Variants in OR52N1 observed in about 807,000 individuals in gnomAD.
OR52N1 encodes olfactory receptor 52N1.
A neutral mutation model predicts 13.9 loss-of-function variants in OR52N1; 11 were observed. That is an observed-to-expected ratio of 0.79 (90% CI 0.50 to 1.31). The LOEUF is 1.31. Ranked by LOEUF, OR52N1 falls within the 40% of genes most tolerant of loss-of-function variation. The pLI is 0.00. For synonymous variants in OR52N1, 142 were observed against 143.7 expected, an observed-to-expected ratio of 0.99 and a Z score of 0.08; for missense variants, 414 against 397.7, an observed-to-expected ratio of 1.04 and a Z score of -0.35.
Position 5,788,436 on chromosome 11 carries a change from G to A in OR52N1, c.381C>T (p.Ala127=), listed in dbSNP as rs762448668. ...LMLMALDHCV[A]ICFPLRYATI... ...TGGCATAACGCAGAGGGAAGCAGAT[G>A]GCCACACAGTGGTCCAGGGCCATGA... Residue 127 remains alanine, a synonymous_variant, in exon 2 of 2, where the codon GCC becomes GCT. Transcript: ENST00000641645. 2.5e-6 allele frequency: 4 copies of A among 1,614,066 alleles called. No individual in the cohort carries two copies. In the East Asian group the frequency reaches 8.9e-5, roughly 36 times the overall value.
At position 5,788,848 on chromosome 11, in the gene OR52N1, T is replaced by TA; in HGVS notation, c.-33dup. Reference sequence around the variant, plus strand: ...TGTTGGAAGTTCATTGTATAGCAGTTATAGCATTGCCTCTGTGAGCAGGAA... The same window carrying TA: ...TGTTGGAAGTTCATTGTATAGCAGTTAATAGCATTGCCTCTGTGAGCAGGAA... On this transcript the variant is annotated 5_prime_UTR_variant, in exon 2 of 2. It removes the in-frame stop codon of an upstream open reading frame in the 5' UTR. Coordinates refer to ENST00000641645, the MANE Select transcript of OR52N1 (RefSeq NM_001001913.2). The TA allele has an allele frequency of 6.5e-7, 1 of 1,549,316 alleles. No homozygotes were observed. Among genetic ancestry groups the TA allele is most frequent in the Non-Finnish European group, 8.7e-7 (1 of 1,154,568 alleles).
intron 1 of OR52N1, among the ~76,000 whole-genome samples, chr11:5,789,497 G>A (rs1200907292): frequency 6.6e-6 from 1 of 151,982 alleles, no homozygotes; most frequent in Admixed American, 6.6e-5. Context: ...GATATATAGA[G>A]GATGAAGGAT....
intron 1 of OR52N1, among the ~76,000 whole-genome samples, chr11:5,789,913 A>G (rs897425559): frequency 6.6e-5 from 10 of 151,974 alleles, no homozygotes. Context: ...ATAAGAACAA[A>G]CTCAAAGTTA....
intron 1 of OR52N1, 37 bp from the exon 2 acceptor site, chr11:5,788,897 G>A: frequency 7.0e-7 from 1 of 1,424,194 alleles, no homozygotes; most frequent in Non-Finnish European, 9.4e-7. Flanking sequence ...TAATTTCAAG[G>A]AGTGACTGAC....
chr11:5,787,814 T>C lies in OR52N1; in HGVS notation c.*40A>G. The C allele has an allele frequency of 1.4e-6, 2 of 1,423,110 alleles. 1 individual carries two copies. Among genetic ancestry groups the C allele is most frequent in the Non-Finnish European group, 1.9e-6 (2 of 1,062,192 alleles). The allele number at this position is 1,423,110 out of a possible 1,614,324, so 88.2% of individuals were successfully genotyped here. A position where few individuals can be genotyped will look rare whatever the true frequency, so the allele number is the denominator to read the frequency against. On this transcript the variant is annotated 3_prime_UTR_variant, in exon 2 of 2. Coordinates refer to ENST00000641645, the MANE Select transcript of OR52N1 (RefSeq NM_001001913.2). ...AAAGAGCTCCCTATTGACTTGGTGA[T>C]CTCAACCTGGCTAAGAAAATTCTAA...
Position 5,788,849 on chromosome 11 carries a change from AT to A in OR52N1, c.-34del. On this transcript the variant is annotated 5_prime_UTR_variant, in exon 2 of 2. It removes the in-frame stop codon of an upstream open reading frame in the 5' UTR. Coordinates refer to ENST00000641645, the MANE Select transcript of OR52N1 (RefSeq NM_001001913.2). Reference sequence around the variant, plus strand: ...GTTGGAAGTTCATTGTATAGCAGTTATAGCATTGCCTCTGTGAGCAGGAAAT... The same window carrying A: ...GTTGGAAGTTCATTGTATAGCAGTTAAGCATTGCCTCTGTGAGCAGGAAAT... 2 of 1,543,310 alleles carry A rather than the reference AT, an allele frequency of 1.3e-6. No individual in the cohort carries two copies. Among genetic ancestry groups the A allele is most frequent in the Non-Finnish European group, 1.7e-6 (2 of 1,152,024 alleles).
In OR52N1 at chr11:5,787,825, C is replaced by A. The variant is rs757696276; in HGVS notation, c.*29G>T. 1 of 1,444,026 alleles carries A rather than the reference C, an allele frequency of 6.9e-7. No individual in the cohort carries two copies. Among genetic ancestry groups the A allele is most frequent in the African/African-American group, 1.5e-5 (1 of 67,628 alleles). The allele number at this position is 1,444,026 out of a possible 1,614,324, so 89.5% of individuals were successfully genotyped here. A position where few individuals can be genotyped will look rare whatever the true frequency, so the allele number is the denominator to read the frequency against. Reference sequence around the variant, plus strand: ...TATTGACTTGGTGATCTCAACCTGGCTAAGAAAATTCTAACATCTCAGAAG... The same window carrying A: ...TATTGACTTGGTGATCTCAACCTGGATAAGAAAATTCTAACATCTCAGAAG... On this transcript the variant is annotated 3_prime_UTR_variant, in exon 2 of 2. Coordinates refer to ENST00000641645, the MANE Select transcript of OR52N1 (RefSeq NM_001001913.2).
Position 5,788,675 on chromosome 11 carries a change from T to C in OR52N1, c.142A>G (p.Met48Val). 1 of 1,613,942 alleles carries C rather than the reference T, an allele frequency of 6.2e-7. No individual in the cohort carries two copies. Among genetic ancestry groups the C allele is most frequent in the Non-Finnish European group, 8.5e-7 (1 of 1,179,940 alleles). ...SIAITGNFGL[M>V]YLIYCDEALH... ...GCCTCATCACAGTAGATGAGGTACATAAGGCCGAAGTTCCCTGTAATAGCA... is the reference window on the plus strand; with the variant it reads ...GCCTCATCACAGTAGATGAGGTACACAAGGCCGAAGTTCCCTGTAATAGCA... Residue 48 changes from methionine to valine, a missense_variant, in exon 2 of 2, where the codon ATG becomes GTG. By Grantham distance (21) the Met-to-Val change is conservative. Coordinates refer to ENST00000641645, the MANE Select transcript of OR52N1 (RefSeq NM_001001913.2).
rs764469262 is a variant in OR52N1 at position 5,788,828 on chromosome 11, G to A, written c.-12C>T. ...TTTAGAAATGACATAATGACTGTTG[G>A]AAGTTCATTGTATAGCAGTTATAGC... On this transcript the variant is annotated 5_prime_UTR_variant, in exon 2 of 2. Coordinates refer to ENST00000641645, the MANE Select transcript of OR52N1 (RefSeq NM_001001913.2). 7.5e-6 allele frequency: 12 copies of A among 1,591,052 alleles called. No homozygotes were observed. The African/African-American group carries it at 1.2e-4, about 16-fold the overall frequency.
intron 1 of OR52N1, among the ~76,000 whole-genome samples, 152 bp from the exon 2 acceptor site, chr11:5,789,012 T>C (rs1210034812): frequency 6.6e-6 from 1 of 152,212 alleles, no homozygotes; most frequent in Non-Finnish European, 1.5e-5. Flanking sequence ...TCTGGGTGTG[T>C]GCCTTAAGCA....
At position 5,788,253 on chromosome 11, in the gene OR52N1, C is replaced by G; in HGVS notation, c.564G>C (p.Lys188Asn). ...HTYCDHMSVA[K>N]ISCGNVRVNA... ...TAACCCTGACATTACCACAAGATAT[C>G]TTGGCCACAGACATGTGGTCACAGT... Residue 188 changes from lysine to asparagine, a missense_variant, in exon 2 of 2, where the codon AAG becomes AAC. Coordinates refer to ENST00000641645, the MANE Select transcript of OR52N1 (RefSeq NM_001001913.2). The G allele has an allele frequency of 6.2e-7, 1 of 1,614,086 alleles. No homozygotes were observed. The highest frequency in any genetic ancestry group is 8.5e-7 in the Non-Finnish European group (1 of 1,179,998).
At chr11:5,790,606 T>C (rs1854647263) in intron 1 of OR52N1, among the ~76,000 whole-genome samples, 1 of 152,190 alleles carries the variant, frequency 6.6e-6, no homozygotes, top group East Asian at 1.9e-4. Flanking sequence ...CTCTTACTCA[T>C]CCTCATTTCT....
At position 5,787,766 on chromosome 11, in the gene OR52N1, T is replaced by C. The variant is rs1463155898; in HGVS notation, c.*88A>G. On this transcript the variant is annotated 3_prime_UTR_variant, in exon 2 of 2. Coordinates refer to ENST00000641645, the MANE Select transcript of OR52N1 (RefSeq NM_001001913.2). Reference sequence around the variant, plus strand: ...TCCGAGTATCATAAAAATATTCCTGTGGCCAGATTTCTGGTGTCATTTAAA... The same window carrying C: ...TCCGAGTATCATAAAAATATTCCTGCGGCCAGATTTCTGGTGTCATTTAAA... 8.1e-6 allele frequency: 9 copies of C among 1,116,430 alleles called. 2 individuals are homozygous for C. The highest frequency in any genetic ancestry group is 1.3e-6 in the Non-Finnish European group (1 of 795,252). 69.2% of individuals were successfully genotyped at this position (1,116,430 alleles called of 1,614,324 possible).
In OR52N1 at chr11:5,789,844, CAA is replaced by C. The variant is rs747254893; in HGVS notation, c.-44-986_-44-985del. Among the ~76,000 whole-genome samples, 329 of 152,172 alleles carry C rather than the reference CAA, an allele frequency of 2.2e-3. 2 individuals carry two copies. The highest frequency in any genetic ancestry group is 3.9e-3 in the Non-Finnish European group (262 of 67,974). ...CAGGCAGTGGTAGAACAAGGACCAA[CAA>C]AACACTTCTGAATAGTAAGGGAGAG... On this transcript the variant is annotated intron_variant, in intron 1 of 1. Coordinates refer to ENST00000641645, the MANE Select transcript of OR52N1 (RefSeq NM_001001913.2).
chr11:5,788,106 C>T lies in OR52N1; in HGVS notation c.711G>A (p.Gln237=). The change falls in exon 2 of 2, where the codon CAG becomes CAA. Residue 237 remains glutamine (Q), a synonymous_variant. Coordinates refer to ENST00000641645, the MANE Select transcript of OR52N1 (RefSeq NM_001001913.2). ...VVSLSSADAR[Q]KAFSTCTAHF... ...GGGCAGTGCAGGTGCTGAAGGCCTT[C>T]TGTCGAGCATCTGCTGATGATAGAC... The T allele has an allele frequency of 6.2e-7, 1 of 1,614,030 alleles. No individual in the cohort carries two copies. Among genetic ancestry groups the T allele is most frequent in the Non-Finnish European group, 8.5e-7 (1 of 1,179,970 alleles).
chr11:5,788,047 G>C lies in OR52N1; in HGVS notation c.770C>G (p.Ala257Gly), dbSNP rs1001226268. ...ATGGTGTGTAAAGAAGGTAAAGAAG[G>C]CTGGAACATAGGTGAGGACTATGGC... ...FCAIVLTYVP[A>G]FFTFFTHHFG... The change falls in exon 2 of 2, where the codon GCC (alanine) becomes GGC (glycine). Residue 257 changes from alanine (A) to glycine (G), a missense_variant. By Grantham distance (60) the Ala-to-Gly change is moderately conservative. Coordinates refer to ENST00000641645, the MANE Select transcript of OR52N1 (RefSeq NM_001001913.2). 1.5e-5 allele frequency: 16 copies of C among 1,087,398 alleles called. 4 individuals are homozygous for C. Among genetic ancestry groups the C allele is most frequent in the Non-Finnish European group, 2.0e-5 (16 of 791,658 alleles). The allele number at this position is 1,087,398 out of a possible 1,614,324, so 67.4% of individuals were successfully genotyped here.
chr11:5,790,007 A>T (rs1369182776), intron 1 of OR52N1, among the ~76,000 whole-genome samples: 2 of 152,108 alleles, frequency 1.3e-5, no homozygotes, highest in African/African-American at 4.8e-5. Flanking sequence ...AAAATTTTTT[A>T]AAAGGAGCAA....
rs200275481 is a variant in OR52N1, at chr11:5,788,051, G to T, written c.766C>A (p.Pro256Thr). 9.4e-7 allele frequency: 1 copy of T among 1,069,182 alleles called. No homozygotes were observed. Among genetic ancestry groups the T allele is most frequent in the South Asian group, 1.5e-5 (1 of 65,038 alleles). 66.2% of individuals were successfully genotyped at this position (1,069,182 alleles called of 1,614,324 possible). A position where few individuals can be genotyped will look rare whatever the true frequency, so the allele number is the denominator to read the frequency against. ...HFCAIVLTYV[P>T]AFFTFFTHHF... is the part of the protein sequence containing the mutation. Reference sequence around the variant, plus strand: ...TGTGTAAAGAAGGTAAAGAAGGCTGGAACATAGGTGAGGACTATGGCACAG... The same window carrying T: ...TGTGTAAAGAAGGTAAAGAAGGCTGTAACATAGGTGAGGACTATGGCACAG... Residue 256 changes from proline to threonine, a missense_variant, in exon 2 of 2, where the codon CCA becomes ACA. Physicochemically the swap from Pro to Thr is conservative, Grantham distance 38. Coordinates refer to ENST00000641645, the MANE Select transcript of OR52N1 (RefSeq NM_001001913.2).
At position 5,788,078 on chromosome 11, in the gene OR52N1, A is replaced by C; in HGVS notation, c.739T>G (p.Phe247Val). ...QKAFSTCTAH[F>V]CAIVLTYVPA... ...ACATAGGTGAGGACTATGGCACAGA[A>C]GTGGGCAGTGCAGGTGCTGAAGGCC... Residue 247 changes from phenylalanine to valine, a missense_variant, in exon 2 of 2, where the codon TTC becomes GTC. Transcript: ENST00000641645. The C allele has an allele frequency of 6.2e-7, 1 of 1,612,928 alleles. No individual in the cohort carries two copies. The highest frequency in any genetic ancestry group is 8.5e-7 in the Non-Finnish European group (1 of 1,179,646).
Sources: allele counts gnomAD v4.1 joint callset (sites outside exome capture counted in the v4.1 genomes callset), GRCh38; gene constraint gnomAD v4.1.1; transcripts MANE v1.5; gene names NCBI Gene and HGNC (gene_info 2026-07-23, HGNC 2026-07-21).